PNPLA6: variants seen among roughly 807,000 people sequenced by gnomAD.
The protein encoded by PNPLA6 is patatin like domain 6, lysophospholipase.
A neutral mutation model predicts 153.7 loss-of-function variants in PNPLA6; 105 were observed. That is an observed-to-expected ratio of 0.68 (90% CI 0.58 to 0.80). The LOEUF is 0.80. Ranked by LOEUF, PNPLA6 falls within the 30% of genes least tolerant of loss-of-function variation. PNPLA6 has a pLI of 0.00. For synonymous variants in PNPLA6, 825 were observed against 822.2 expected, an observed-to-expected ratio of 1.00 and a Z score of -0.06; for missense variants, 1,423 against 1,919.3, an observed-to-expected ratio of 0.74 and a Z score of 4.83.
intron 13 of PNPLA6, among the ~76,000 whole-genome samples, chr19:7,547,441 C>T (rs2146077760): frequency 6.6e-6 from 1 of 152,260 alleles, no homozygotes; most frequent in African/African-American, 2.4e-5. Flanking sequence ...TTTTATGTGC[C>T]TATTGGCCAT....
chr19:7,560,559 G>T, intron 28 of PNPLA6, 89 bp from the exon 29 acceptor site: 1 of 906,234 alleles, frequency 1.1e-6, no homozygotes, highest in South Asian at 1.3e-5. Flanking sequence ...CAGAGAATCA[G>T]GCTTTTGAGG....
chr19:7,557,376 G>A (rs1252205685), intron 27 of PNPLA6, 92 bp downstream of exon 27: 11 of 833,926 alleles, frequency 1.3e-5, no homozygotes, highest in South Asian at 5.5e-5. Flanking sequence ...GCTCGATGAC[G>A]GGACACATGC....
intron 11 of PNPLA6, 35 bp from the exon 12 acceptor site, chr19:7,542,726 G>A (rs776235577): frequency 3.1e-6 from 5 of 1,612,752 alleles, no homozygotes; most frequent in Non-Finnish European, 4.2e-6. Flanking sequence ...TGGCTGGGAG[G>A]GAGCATCAGG....
Position 7,541,552 on chromosome 19 carries a change from C to T in PNPLA6, c.1036C>T (p.Pro346Ser), listed in dbSNP as rs1480167412. 1.2e-6 allele frequency: 2 copies of T among 1,603,314 alleles called. No individual in the cohort carries two copies. The highest frequency in any genetic ancestry group is 1.7e-6 in the Non-Finnish European group (2 of 1,175,152). ...CCAGCCCCTGCGTCTGTTCCCCAGC[C>T]CCGGCCTCCCAACTCGCACCAGCCC... ...EIQPLRLFPS[P>S]GLPTRTSPVR... Residue 346 changes from proline (P) to serine (S), a missense_variant, in exon 9 of 32, where the codon CCC (proline) becomes TCC (serine). This residue lies in a region of PNPLA6 where 267 missense variants were observed against 255.1 expected (regional missense o/e 1.05). Transcript: ENST00000600737. The surrounding 1 kb of genome is among the most constrained non-coding windows in gnomAD (Gnocchi z 5.2).
rs763014371 is a variant in PNPLA6, at chr19:7,554,717, C to T, written c.2628C>T (p.Leu876=). The change falls in exon 21 of 32, where the codon CTC becomes CTT. Residue 876 remains leucine (L), a synonymous_variant. Coordinates refer to ENST00000600737, the MANE Select transcript of PNPLA6 (RefSeq NM_001166114.2). ...IVGLGDQEPT[L]GQLEQMLENT... Reference sequence around the variant, plus strand: ...GCCTGGGGGACCAGGAGCCTACCCTCGGCCAGGTCGGAAGCCCGTGCCCCC... The same window carrying T: ...GCCTGGGGGACCAGGAGCCTACCCTTGGCCAGGTCGGAAGCCCGTGCCCCC... 47 of 1,612,538 alleles carry T rather than the reference C, an allele frequency of 2.9e-5. No homozygotes were observed. The highest frequency in any genetic ancestry group is 1.7e-4 in the Middle Eastern group (1 of 5,950).
In PNPLA6 at chr19:7,536,001, G is replaced by A; in HGVS notation, c.213G>A (p.Val71=). 1 of 1,576,206 alleles carries A rather than the reference G, an allele frequency of 6.3e-7. No individual in the cohort carries two copies. The highest frequency in any genetic ancestry group is 8.6e-7 in the Non-Finnish European group (1 of 1,162,362). ...CGGCCGTGCTCATCCTCCTGGTGGT[G>A]CGGAGGCTGCGAGTGCCAAGTGAGC... The part of the protein sequence containing the change: ...VVTAVLILLV[V]RRLRVPKTPA... The change falls in exon 1 of 32, where the codon GTG becomes GTA. Residue 71 remains valine, a synonymous_variant. Coordinates refer to ENST00000600737, the MANE Select transcript of PNPLA6 (RefSeq NM_001166114.2).
chr19:7,557,571 G>A, intron 27 of PNPLA6: 1 of 441,176 alleles, frequency 2.3e-6, no homozygotes, highest in South Asian at 2.0e-5. Flanking sequence ...ATCACCTGAG[G>A]TCAGGAGTTT....
At chr19:7,538,656 C>T (rs914915136) in intron 3 of PNPLA6, among the ~76,000 whole-genome samples, 2 of 152,142 alleles carry the variant, frequency 1.3e-5, no homozygotes, top group African/African-American at 4.8e-5. Context: ...TATCTGGATT[C>T]TCCACTTATA....
rs756861161 is a variant in PNPLA6, at chr19:7,556,637, C to A, written c.3211-18C>A. Reference sequence around the variant, plus strand: ...GGAGCCCCCTGCTCCTCCCCCACCTCGATCCCTGTCCCCGCAGGACCTGTG... The same window carrying A: ...GGAGCCCCCTGCTCCTCCCCCACCTAGATCCCTGTCCCCGCAGGACCTGTG... On this transcript the variant is annotated intron_variant, in intron 25 of 31. Transcript: ENST00000600737. 3.1e-6 allele frequency: 5 copies of A among 1,609,734 alleles called. No individual in the cohort carries two copies. In the African/African-American group the frequency reaches 6.7e-5, roughly 22 times the overall value.
rs1302378785 is a variant in PNPLA6, at chr19:7,561,645, C to A, written c.*83C>A. 2.1e-6 allele frequency: 2 copies of A among 936,294 alleles called. No individual in the cohort carries two copies. The highest frequency in any genetic ancestry group is 3.3e-6 in the Non-Finnish European group (2 of 598,300). 58.0% of individuals were successfully genotyped at this position (936,294 alleles called of 1,614,324 possible). A position where few individuals can be genotyped will look rare whatever the true frequency, so the allele number is the denominator to read the frequency against. ...CCGTGGGGGTAGCTCACTCCCCCTC[C>A]TGCTGCTATGCCTGTGACCCCCGCG... On this transcript the variant is annotated 3_prime_UTR_variant, in exon 32 of 32. Coordinates refer to ENST00000600737, the MANE Select transcript of PNPLA6 (RefSeq NM_001166114.2).
intron 18 of PNPLA6, among the ~76,000 whole-genome samples, chr19:7,551,975 C>T (rs2023672928): frequency 6.6e-6 from 1 of 152,098 alleles, no homozygotes; most frequent in South Asian, 2.1e-4. Flanking sequence ...GGCTTGGTGA[C>T]ACATGCCTGT....
At chr19:7,536,405 G>C in intron 2 of PNPLA6, 44 bp from the exon 3 acceptor site, 1 of 1,479,042 alleles carries the variant, frequency 6.8e-7, no homozygotes, top group Non-Finnish European at 9.5e-7. Context: ...TCTTCTCCAA[G>C]GTCTGAATTA....
At chr19:7,544,339 T>C (rs747835772) in intron 13 of PNPLA6, among the ~76,000 whole-genome samples, 3 of 152,122 alleles carry the variant, frequency 2.0e-5, no homozygotes, top group Admixed American at 6.5e-5. Flanking sequence ...CTCAAACTCC[T>C]GACCTCAGGT....
intron 2 of PNPLA6, 65 bp downstream of exon 2, chr19:7,536,338 C>T: frequency 6.9e-7 from 1 of 1,442,858 alleles, no homozygotes; most frequent in Non-Finnish European, 9.8e-7. Flanking sequence ...CCTATTTACA[C>T]TTCTTAGTGT....
At chr19:7,559,547 T>C (rs1599314522) in intron 28 of PNPLA6, among the ~76,000 whole-genome samples, 1 of 152,122 alleles carries the variant, frequency 6.6e-6, no homozygotes, top group African/African-American at 2.4e-5. Context: ...CCAATTGAAA[T>C]TGATCAGGGG....
At position 7,549,910 on chromosome 19, in the gene PNPLA6, G is replaced by A; in HGVS notation, c.1612G>A (p.Val538Met). 1 of 1,613,444 alleles carries A rather than the reference G, an allele frequency of 6.2e-7. No homozygotes were observed. The highest frequency in any genetic ancestry group is 8.5e-7 in the Non-Finnish European group (1 of 1,180,036). ...TIIARQGDQD[V>M]SLHFVLWGCL... is the part of the protein sequence containing the mutation. ...ATCACATCCCCTGCCCGCACAGGAC[G>A]TGAGCCTGCACTTCGTGCTCTGGGG... Residue 538 changes from valine (V) to methionine (M), a missense_variant, in exon 14 of 32, where the codon GTG becomes ATG. Val to Met is a conservative substitution (Grantham distance 21). Around this residue, in one of 10 missense-constraint regions of PNPLA6, gnomAD observed 119 missense variants for 163.7 expected, o/e 0.73. Transcript: ENST00000600737.
intron 3 of PNPLA6, among the ~76,000 whole-genome samples, chr19:7,537,016 C>T (rs749849316): frequency 6.6e-5 from 10 of 151,672 alleles, no homozygotes; most frequent in Non-Finnish European, 1.2e-4. Flanking sequence ...CCTCTCAGAG[C>T]TCTTCCACAC....
In PNPLA6 at chr19:7,554,925, C is replaced by T. The variant is rs764754247; in HGVS notation, c.2667C>T (p.Arg889=). 2.5e-6 allele frequency: 4 copies of T among 1,588,470 alleles called. No individual in the cohort carries two copies. In the South Asian group the frequency reaches 3.4e-5, roughly 13 times the overall value. ...AGATGCTGGAGAACACGGCTGTGCG[C>T]GCCCTTAAGCAGCTAGTCCTGCTCC... is the stretch of plus-strand genomic sequence containing the variant. ...LEQMLENTAV[R]ALKQLVLLHR... Residue 889 remains arginine (R), a synonymous_variant, in exon 22 of 32, where the codon CGC becomes CGT. Transcript: ENST00000600737.
intron 13 of PNPLA6, among the ~76,000 whole-genome samples, chr19:7,548,481 G>A (rs1211829111): frequency 6.6e-6 from 1 of 151,886 alleles, no homozygotes; most frequent in Non-Finnish European, 1.5e-5. Context: ...AAGCCATCCT[G>A]GGCCACGTGC....
Sources: allele counts gnomAD v4.1 joint callset (sites outside exome capture counted in the v4.1 genomes callset), GRCh38; gene constraint gnomAD v4.1.1; regional missense constraint gnomAD v4.1.1; non-coding constraint Gnocchi (gnomAD v3.1); transcripts MANE v1.5; gene names NCBI Gene and HGNC (gene_info 2026-07-23, HGNC 2026-07-21).